The following ALLC variants were observed in gnomAD, a reference collection of about 807,000 sequenced individuals.
The protein encoded by ALLC is allantoicase.
ALLC carries 40 observed loss-of-function variants against 45.0 expected under a neutral mutation model. That is an observed-to-expected ratio of 0.89 (90% confidence interval 0.69 to 1.16). ALLC has a LOEUF of 1.16. Ranked by LOEUF, ALLC falls within the 50% of genes most tolerant of loss-of-function variation. ALLC has a pLI of 0.00. For missense variants in ALLC, 488 were observed against 493.1 expected (o/e 0.99, Z 0.10); for synonymous variants, 176 against 178.1 (o/e 0.99, Z 0.09).
intron 4 of ALLC, among the ~76,000 whole-genome samples, chr2:3,679,626 C>A (rs11689999): frequency 6.6e-6 from 1 of 152,188 alleles, no homozygotes; most frequent in African/African-American, 2.4e-5. Flanking sequence ...TCCTGGATCC[C>A]AGCCTGTGCA....
upstream of ALLC, among the ~76,000 whole-genome samples, chr2:3,654,269 G>T (rs531689879): frequency 6.6e-6 from 1 of 152,362 alleles, no homozygotes; most frequent in South Asian, 2.1e-4. Flanking sequence ...AAGTCACATT[G>T]TAAAGAGGTG....
chr2:3,646,767 T>C, the ALLC span, among the ~76,000 whole-genome samples: 1 of 152,222 alleles, frequency 6.6e-6, no homozygotes, highest in Admixed American at 6.5e-5. Flanking sequence ...CTCTATCTGC[T>C]CACCCATGCA....
At chr2:3,671,315 G>T in intron 2 of ALLC, 125 bp downstream of exon 2, 1 of 1,111,148 alleles carries the variant, frequency 9.0e-7, no homozygotes, top group South Asian at 1.4e-5. Context: ...CCTGCCCAAG[G>T]AAACCCGTTA....
intron 1 of ALLC, among the ~76,000 whole-genome samples, chr2:3,661,711 CT>C (rs1666582022): frequency 1.3e-5 from 2 of 152,200 alleles, no homozygotes; most frequent in South Asian, 4.1e-4. Context: ...ACTGATAACT[CT>C]TCTTGGTTGT....
chr2:3,686,045 A>T (rs1471612166), intron 7 of ALLC, among the ~76,000 whole-genome samples: 1 of 151,026 alleles, frequency 6.6e-6, no homozygotes, highest in African/African-American at 2.4e-5. Flanking sequence ...TTACACACAA[A>T]TATTTGCCAA....
chr2:3,668,040 C>T (rs1558535583), intron 1 of ALLC, among the ~76,000 whole-genome samples: 1 of 152,196 alleles, frequency 6.6e-6, no homozygotes, highest in Non-Finnish European at 1.5e-5. Context: ...GCTGGGATTA[C>T]AGGTGTGAGC....
intron 1 of ALLC, among the ~76,000 whole-genome samples, chr2:3,664,296 C>T (rs1572504944): frequency 6.6e-6 from 1 of 152,182 alleles, no homozygotes; most frequent in Non-Finnish European, 1.5e-5. Flanking sequence ...GGTGGCTCCT[C>T]TGTAGGATTT....
intron 9 of ALLC, 101 bp from the exon 10 acceptor site, chr2:3,697,247 A>G: frequency 1.2e-6 from 1 of 837,070 alleles, no homozygotes; most frequent in East Asian, 2.4e-5. Context: ...ATAGTAAGAA[A>G]TAAAAGAAAC....
At chr2:3,679,803 T>C (rs760814125) in intron 4 of ALLC, 66 bp from the exon 5 acceptor site, 8 of 1,599,000 alleles carry the variant, frequency 5.0e-6, no homozygotes, top group Non-Finnish European at 6.8e-6. Context: ...TGGGGTGCAC[T>C]GCCTCGCATG....
At chr2:3,651,402 T>A in the ALLC span, among the ~76,000 whole-genome samples, 2 of 30,264 alleles carry the variant, frequency 6.6e-5, no homozygotes, top group African/African-American at 1.0e-4. Context: ...TGTGTGTGTG[T>A]GTGTGTGTGT....
intron 3 of ALLC, among the ~76,000 whole-genome samples, chr2:3,677,172 C>A (rs1667046211): frequency 6.6e-6 from 1 of 152,210 alleles, no homozygotes; most frequent in Non-Finnish European, 1.5e-5. Flanking sequence ...TGTTTTCCTG[C>A]CACTGGTTCA....
At chr2:3,695,366 A>G in intron 7 of ALLC, 1 of 256,862 alleles carries the variant, frequency 3.9e-6, no homozygotes, top group East Asian at 1.0e-4. Context: ...AGAGCTCTGG[A>G]GTAAATAACA....
chr2:3,685,645 G>T (rs1344300918), intron 7 of ALLC, among the ~76,000 whole-genome samples: 1 of 150,840 alleles, frequency 6.6e-6, no homozygotes, highest in African/African-American at 2.4e-5. Context: ...TTTGAGTGGG[G>T]ATACAGAACC....
chr2:3,653,650 C>T (rs1666383231), upstream of ALLC, among the ~76,000 whole-genome samples: 1 of 152,050 alleles, frequency 6.6e-6, no homozygotes, highest in African/African-American at 2.4e-5. This position sits in a 1 kb window ranked among gnomAD's most constrained non-coding sequence, Gnocchi z 4.1. Flanking sequence ...GCTCAGGTAC[C>T]ACGAGGGTGC....
At chr2:3,699,990 CTTTAG>C (rs1024737140) in intron 10 of ALLC, among the ~76,000 whole-genome samples, 51 of 152,250 alleles carry the variant, frequency 3.3e-4, no homozygotes, top group African/African-American at 1.1e-3. Context: ...TGCAGAAGCT[CTTTAG>C]TTTAATTAGA....
intron 7 of ALLC, among the ~76,000 whole-genome samples, chr2:3,684,929 A>G (rs1667285878): frequency 6.6e-6 from 1 of 152,230 alleles, no homozygotes. Context: ...CATTGTGTAT[A>G]TATACCACTT....
intron 1 of ALLC, among the ~76,000 whole-genome samples, chr2:3,658,823 G>A (rs1318984503): frequency 1.4e-5 from 2 of 145,248 alleles, no homozygotes; most frequent in Non-Finnish European, 3.0e-5. Context: ...GTTGCAATGA[G>A]CCAAGATCAT....
chr2:3,660,976 G>T (rs1416027736), intron 1 of ALLC, among the ~76,000 whole-genome samples: 1 of 152,204 alleles, frequency 6.6e-6, no homozygotes, highest in African/African-American at 2.4e-5. Context: ...CTGACATACT[G>T]ATTCTTTGAA....
rs34480482 is a variant in ALLC, at chr2:3,690,954, GTT to G, written c.512-4752_512-4751del. ...AAATGTTTTCTTTTTGCACATTAGT[GTT>G]TTTTTTTTTTCAAATGGAAGAACTT... On this transcript the variant is annotated intron_variant, in intron 7 of 11. Coordinates refer to ENST00000252505, the MANE Select transcript of ALLC (RefSeq NM_018436.4). Among the ~76,000 whole-genome samples, 23 of 144,996 alleles carry G rather than the reference GTT, an allele frequency of 1.6e-4. No individual in the cohort carries two copies. The East Asian group carries it at 3.0e-3, about 19-fold the overall frequency.
Sources: allele counts gnomAD v4.1 joint callset (sites outside exome capture counted in the v4.1 genomes callset), GRCh38; gene constraint gnomAD v4.1.1; non-coding constraint Gnocchi (gnomAD v3.1); transcripts MANE v1.5; gene names NCBI Gene and HGNC (gene_info 2026-07-23, HGNC 2026-07-21).